TMEM72: variants seen among roughly 807,000 people sequenced by gnomAD.
TMEM72 encodes transmembrane protein 72.
TMEM72 carries 9 observed loss-of-function variants against 16.3 expected under a neutral mutation model. The ratio of observed to expected loss-of-function variants is 0.55; its 90% CI spans 0.33 to 0.96. TMEM72 has a LOEUF of 0.96. Among genes scored for constraint, TMEM72 ranks in the 40% least tolerant of loss-of-function variants. The pLI is 0.03. For missense variants in TMEM72, 324 were observed against 337.8 expected (o/e 0.96, Z 0.32); for synonymous variants, 160 against 146.5 (o/e 1.09, Z -0.66).
chr10:44,924,811 C>T (rs1313913608), intron 1 of TMEM72, among the ~76,000 whole-genome samples: 1 of 152,242 alleles, frequency 6.6e-6, no homozygotes, highest in Non-Finnish European at 1.5e-5. Flanking sequence ...TCCCCACACT[C>T]TCCTCCTCCC....
chr10:44,934,872 T>C lies in TMEM72; in HGVS notation c.566T>C (p.Ile189Thr). The C allele has an allele frequency of 6.2e-7, 1 of 1,613,484 alleles. No individual in the cohort carries two copies. The highest frequency in any genetic ancestry group is 8.5e-7 in the Non-Finnish European group (1 of 1,179,912). The change falls in exon 5 of 5, where the codon ATC becomes ACC. Residue 189 changes from isoleucine to threonine, a missense_variant. Transcript: ENST00000389583. ...PSSLFIHMKS[I>T]LKGTKKPSAL... is the part of the protein sequence containing the mutation. Reference sequence around the variant, plus strand: ...TCCCTTTTCATCCACATGAAGAGTATCCTGAAGGGGACTAAGAAGCCCAGT... The same window carrying C: ...TCCCTTTTCATCCACATGAAGAGTACCCTGAAGGGGACTAAGAAGCCCAGT...
intron 4 of TMEM72, 75 bp downstream of exon 4, chr10:44,933,851 G>A: frequency 2.0e-6 from 3 of 1,491,116 alleles, no homozygotes; most frequent in Non-Finnish European, 2.7e-6. Context: ...GCCCCTCAAA[G>A]TCTAGCTCCA....
intron 1 of TMEM72, among the ~76,000 whole-genome samples, chr10:44,918,555 T>C (rs932894062): frequency 6.6e-6 from 1 of 152,192 alleles, no homozygotes; most frequent in African/African-American, 2.4e-5. Context: ...TTCTTCTCAA[T>C]ATAGATGCAA....
chr10:44,929,794 C>T (rs1193376350), intron 2 of TMEM72, among the ~76,000 whole-genome samples: 1 of 152,280 alleles, frequency 6.6e-6, no homozygotes. Context: ...AAGCTTCACT[C>T]ATTCTGTTGG....
intron 1 of TMEM72, among the ~76,000 whole-genome samples, chr10:44,919,754 C>G (rs1173566933): frequency 6.6e-6 from 1 of 152,198 alleles, no homozygotes; most frequent in Non-Finnish European, 1.5e-5. Context: ...GAAGTCTCTT[C>G]CAACTGAATG....
At chr10:44,925,231 T>C (rs931536242) in intron 1 of TMEM72, among the ~76,000 whole-genome samples, 5 of 152,190 alleles carry the variant, frequency 3.3e-5, no homozygotes, top group African/African-American at 1.2e-4. Flanking sequence ...ACAGTGTTCC[T>C]CAAATGCCCC....
chr10:44,932,097 A>G (rs761806554), intron 3 of TMEM72, 28 bp downstream of exon 3: 32 of 1,607,168 alleles, frequency 2.0e-5, no homozygotes, highest in Non-Finnish European at 2.6e-5. Flanking sequence ...AGACCCCTCC[A>G]TTGTCCACCC....
At chr10:44,924,432 C>G (rs920494054) in intron 1 of TMEM72, among the ~76,000 whole-genome samples, 1 of 152,240 alleles carries the variant, frequency 6.6e-6, no homozygotes, top group African/African-American at 2.4e-5. Flanking sequence ...ATCTCTCCTG[C>G]TGGACTAAGC....
At chr10:44,918,480 C>A (rs983319597) in intron 1 of TMEM72, among the ~76,000 whole-genome samples, 1 of 152,078 alleles carries the variant, frequency 6.6e-6, no homozygotes, top group Non-Finnish European at 1.5e-5. Context: ...TCAACTCATT[C>A]TATAAAATTA....
At chr10:44,924,500 G>A (rs1220841541) in intron 1 of TMEM72, among the ~76,000 whole-genome samples, 1 of 150,240 alleles carries the variant, frequency 6.7e-6, no homozygotes, top group African/African-American at 2.4e-5. Flanking sequence ...AGACCAGGTG[G>A]GCCTCGGAGA....
At chr10:44,918,171 C>T (rs1181630635) in intron 1 of TMEM72, among the ~76,000 whole-genome samples, 1 of 152,066 alleles carries the variant, frequency 6.6e-6, no homozygotes, top group East Asian at 1.9e-4. Context: ...AAAAACTTGC[C>T]CCCCTGATTC....
Position 44,936,140 on chromosome 10 carries a change from A to T in TMEM72, c.*1006A>T, listed in dbSNP as rs2132736182. On this transcript the variant is annotated 3_prime_UTR_variant, in exon 5 of 5. Coordinates refer to ENST00000389583, the MANE Select transcript of TMEM72 (RefSeq NM_001123376.3). ...GACAGTTAACCCAGAAGGAACAAAG[A>T]CATCTGAATCAGATATTCCTTTGTA... The T allele has an allele frequency of 6.6e-6, 1 of 152,364 alleles. No individual in the cohort carries two copies. Among genetic ancestry groups the T allele is most frequent in the East Asian group, 1.9e-4 (1 of 5,188 alleles). The allele number at this position is 152,364 out of a possible 1,614,324, so 9.4% of individuals were successfully genotyped here.
rs376784361 is a variant in TMEM72, at chr10:44,935,058, C to G, written c.752C>G (p.Ser251Cys). ...GACAGTGAGCCAGAGGAGACCACCT[C>G]TGACACGACACCCATCATTCCCCCT... ...DGDSEPEETT[S>C]DTTPIIPPPQ... The change falls in exon 5 of 5, where the codon TCT (serine) becomes TGT (cysteine). Residue 251 changes from serine to cysteine, a missense_variant. Transcript: ENST00000389583. The G allele has an allele frequency of 6.2e-7, 1 of 1,613,840 alleles. No homozygotes were observed. The highest frequency in any genetic ancestry group is 1.3e-5 in the African/African-American group (1 of 74,938).
At chr10:44,924,282 A>T (rs1840149202) in intron 1 of TMEM72, among the ~76,000 whole-genome samples, 1 of 151,222 alleles carries the variant, frequency 6.6e-6, no homozygotes. Context: ...TTCCTAGTCC[A>T]CTCTACCTTC....
intron 1 of TMEM72, among the ~76,000 whole-genome samples, chr10:44,924,505 C>T (rs562778800): frequency 2.0e-5 from 3 of 147,338 alleles, no homozygotes; most frequent in South Asian, 2.2e-4. Context: ...AGGTGGGCCT[C>T]GGAGAAGCGG....
chr10:44,922,464 T>C (rs1840117104), intron 1 of TMEM72, among the ~76,000 whole-genome samples: 1 of 152,354 alleles, frequency 6.6e-6, no homozygotes, highest in Admixed American at 6.5e-5. Context: ...ATCTATGTCA[T>C]GTGGAACTGT....
chr10:44,917,511 G>A (rs935369951), intron 1 of TMEM72, among the ~76,000 whole-genome samples: 4 of 152,132 alleles, frequency 2.6e-5, no homozygotes, highest in African/African-American at 4.8e-5. Context: ...CAGGAACTTG[G>A]CTATTTCTAC....
chr10:44,925,946 TACAC>T (rs111504436), intron 1 of TMEM72, among the ~76,000 whole-genome samples: 174 of 150,104 alleles, frequency 1.2e-3, no homozygotes, highest in African/African-American at 4.1e-3. Context: ...CACACACACT[TACAC>T]ACACACTCAC....
intron 1 of TMEM72, among the ~76,000 whole-genome samples, chr10:44,926,104 C>G (rs1443465144): frequency 6.6e-6 from 1 of 151,884 alleles, no homozygotes; most frequent in Non-Finnish European, 1.5e-5. Flanking sequence ...AACTTACATA[C>G]ACACCCACAT....
Sources: gnomAD v4.1 joint callset for allele counts (sites outside exome capture counted in the v4.1 genomes callset) on GRCh38, gnomAD v4.1.1 for gene constraint, MANE v1.5 for transcripts, NCBI Gene and HGNC (gene_info 2026-07-23, HGNC 2026-07-21) for gene names.